RPS6KC1: variants seen among roughly 807,000 people sequenced by gnomAD.
RPS6KC1 encodes the protein ribosomal protein S6 kinase C1.
A neutral mutation model predicts 103.8 loss-of-function variants in RPS6KC1; 54 were observed. The observed-to-expected ratio is 0.52, with a 90% CI of 0.42 to 0.65. The LOEUF (loss-of-function observed/expected upper bound fraction) is 0.65, where lower values mean the gene tolerates loss of function less well. RPS6KC1 is among the 30% of genes least tolerant of loss of function. The pLI, the probability that RPS6KC1 is intolerant of heterozygous loss-of-function variation, is 0.00. For synonymous variants in RPS6KC1, 439 were observed against 438.7 expected (o/e 1.00, Z -0.01); for missense variants, 1,151 against 1,253.8 (o/e 0.92, Z 1.24).
At chr1:213,432,749 C>A in the RPS6KC1 span, among the ~76,000 whole-genome samples, 1 of 147,266 alleles carries the variant, frequency 6.8e-6, no homozygotes, top group South Asian at 2.1e-4. Flanking sequence ...AATCATTTCC[C>A]TTTTTTTTTT....
the RPS6KC1 span, among the ~76,000 whole-genome samples, chr1:213,770,809 A>G: frequency 2.0e-5 from 3 of 152,192 alleles, no homozygotes; most frequent in Admixed American, 6.5e-5. Context: ...CTTTTCTATT[A>G]TAAAGACAGT....
the RPS6KC1 span, among the ~76,000 whole-genome samples, chr1:213,811,330 C>G: frequency 1.3e-5 from 2 of 152,146 alleles, no homozygotes; most frequent in African/African-American, 4.8e-5. Flanking sequence ...TGCTTCTCAC[C>G]AGGACATGGG....
the RPS6KC1 span, among the ~76,000 whole-genome samples, chr1:213,513,430 G>A: frequency 1.3e-5 from 2 of 150,572 alleles, no homozygotes; most frequent in Non-Finnish European, 3.0e-5. Flanking sequence ...TACCCAAGGT[G>A]GTCAGGGGAC....
At chr1:213,738,575 A>T in the RPS6KC1 span, among the ~76,000 whole-genome samples, 4 of 152,282 alleles carry the variant, frequency 2.6e-5, no homozygotes, top group East Asian at 1.9e-4. Flanking sequence ...CAGAAAAATT[A>T]AAAAATGTGT....
At chr1:213,139,222 G>A (rs950992950) in intron 6 of RPS6KC1, among the ~76,000 whole-genome samples, 11 of 151,900 alleles carry the variant, frequency 7.2e-5, no homozygotes, top group African/African-American at 2.7e-4. Flanking sequence ...GTTGATTTGA[G>A]TTCCTTATAG....
At chr1:213,220,706 C>T (rs1343007837) in intron 8 of RPS6KC1, among the ~76,000 whole-genome samples, 1 of 152,142 alleles carries the variant, frequency 6.6e-6, no homozygotes, top group Non-Finnish European at 1.5e-5. Flanking sequence ...TTATTTTCTT[C>T]TAACTACATT....
the RPS6KC1 span, among the ~76,000 whole-genome samples, chr1:213,457,690 C>T: frequency 6.6e-6 from 1 of 152,148 alleles, no homozygotes; most frequent in African/African-American, 2.4e-5. Flanking sequence ...ATTCTAGATA[C>T]AGTAATAACT....
At chr1:213,464,406 C>T in the RPS6KC1 span, among the ~76,000 whole-genome samples, 146 of 152,266 alleles carry the variant, frequency 9.6e-4, no homozygotes, top group African/African-American at 3.5e-3. Context: ...TAACATTTTA[C>T]ATAGAATTCT....
chr1:213,221,697 C>G (rs1436599156), intron 8 of RPS6KC1, among the ~76,000 whole-genome samples: 1 of 152,150 alleles, frequency 6.6e-6, no homozygotes, highest in Non-Finnish European at 1.5e-5. Context: ...CCAGTTTAGT[C>G]TTATGTTACT....
chr1:213,468,096 C>A, the RPS6KC1 span, among the ~76,000 whole-genome samples: 1 of 152,302 alleles, frequency 6.6e-6, no homozygotes, highest in African/African-American at 2.4e-5. Context: ...ACATTACTTC[C>A]ATTTCAGGCT....
chr1:213,335,555 T>C, the RPS6KC1 span, among the ~76,000 whole-genome samples: 1 of 152,244 alleles, frequency 6.6e-6, no homozygotes, highest in Non-Finnish European at 1.5e-5. Context: ...ATTTCTTCTC[T>C]TTAACTACAC....
the RPS6KC1 span, among the ~76,000 whole-genome samples, chr1:213,344,538 T>G: frequency 1.3e-5 from 2 of 152,076 alleles, no homozygotes; most frequent in African/African-American, 4.8e-5. Context: ...CTACTTATTG[T>G]GCTTTTTTTT....
At chr1:213,694,594 A>C in the RPS6KC1 span, among the ~76,000 whole-genome samples, 1 of 152,234 alleles carries the variant, frequency 6.6e-6, no homozygotes, top group African/African-American at 2.4e-5. Flanking sequence ...TCCCCACCTT[A>C]ACCTTTTCCA....
At chr1:213,764,866 A>G in the RPS6KC1 span, among the ~76,000 whole-genome samples, 1 of 152,206 alleles carries the variant, frequency 6.6e-6, no homozygotes, top group East Asian at 1.9e-4. Context: ...TGGTCAAGTC[A>G]GGCTTGCCCC....
chr1:213,708,813 T>A, the RPS6KC1 span, among the ~76,000 whole-genome samples: 1 of 152,192 alleles, frequency 6.6e-6, no homozygotes, highest in East Asian at 1.9e-4. Context: ...GATAATCATG[T>A]GGTTTTTGTC....
chr1:213,631,079 G>A, the RPS6KC1 span, among the ~76,000 whole-genome samples: 1 of 152,082 alleles, frequency 6.6e-6, no homozygotes, highest in African/African-American at 2.4e-5. Flanking sequence ...ATTAGGGTGG[G>A]AGTGACCCGA....
chr1:213,139,251 T>G (rs1304791047), intron 6 of RPS6KC1, among the ~76,000 whole-genome samples: 2 of 152,122 alleles, frequency 1.3e-5, no homozygotes, highest in Non-Finnish European at 2.9e-5. Flanking sequence ...TATTAGACCT[T>G]TGTCAGATAC....
At chr1:213,796,011 C>A in the RPS6KC1 span, among the ~76,000 whole-genome samples, 3 of 151,868 alleles carry the variant, frequency 2.0e-5, no homozygotes, top group East Asian at 5.8e-4. Context: ...ACAACAAAGC[C>A]GTGGTGAAAG....
At chr1:213,581,830 G>C in the RPS6KC1 span, among the ~76,000 whole-genome samples, 1 of 151,968 alleles carries the variant, frequency 6.6e-6, no homozygotes, top group Non-Finnish European at 1.5e-5. Context: ...AGGCTTCTGT[G>C]CCTTTCCACA....
Sources: allele counts gnomAD v4.1 joint callset (sites outside exome capture counted in the v4.1 genomes callset), GRCh38; gene constraint gnomAD v4.1.1; transcripts MANE v1.5; gene names NCBI Gene and HGNC (gene_info 2026-07-23, HGNC 2026-07-21).